Variants in MYO1D observed in about 807,000 individuals in gnomAD.
The protein encoded by MYO1D is myosin ID.
In MYO1D, 83 loss-of-function variants were observed where a neutral mutation model predicts 122.0. The observed-to-expected ratio is 0.68, with a 90% CI of 0.57 to 0.82. MYO1D has a LOEUF of 0.82. MYO1D is among the 40% of genes least tolerant of loss of function. The pLI is 0.00. For synonymous variants in MYO1D, 464 were observed against 446.9 expected, an observed-to-expected ratio of 1.04 and a Z score of -0.48; for missense variants, 1,157 against 1,269.5, an observed-to-expected ratio of 0.91 and a Z score of 1.35.
chr17:32,630,234 T>C (rs2087986309), intron 20 of MYO1D, among the ~76,000 whole-genome samples: 1 of 152,156 alleles, frequency 6.6e-6, no homozygotes, highest in Non-Finnish European at 1.5e-5. Context: ...TCAGATCTGT[T>C]TCTTTCTTTT....
intron 20 of MYO1D, among the ~76,000 whole-genome samples, chr17:32,637,339 G>A (rs1046691960): frequency 1.3e-5 from 2 of 152,166 alleles, no homozygotes; most frequent in African/African-American, 4.8e-5. Context: ...TGCAATAGAA[G>A]ATTATAAGTC....
intron 14 of MYO1D, among the ~76,000 whole-genome samples, chr17:32,736,096 C>G (rs1039255158): frequency 6.6e-6 from 1 of 150,460 alleles, no homozygotes; most frequent in African/African-American, 2.5e-5. Flanking sequence ...TAGAACCTCT[C>G]AGTCTGGCTT....
intron 20 of MYO1D, among the ~76,000 whole-genome samples, chr17:32,627,417 G>T (rs146292921): frequency 6.6e-6 from 1 of 152,108 alleles, no homozygotes. Flanking sequence ...ACAGACCGGC[G>T]GGCGGATGGA....
intron 1 of MYO1D, among the ~76,000 whole-genome samples, chr17:32,871,770 G>A (rs930367972): frequency 3.3e-5 from 5 of 152,310 alleles, no homozygotes; most frequent in African/African-American, 9.6e-5. Context: ...AGGAGTGTGC[G>A]GAGTAAGGAG....
chr17:32,774,662 G>T (rs2090156045), intron 4 of MYO1D, among the ~76,000 whole-genome samples: 1 of 152,158 alleles, frequency 6.6e-6, no homozygotes, highest in African/African-American at 2.4e-5. Context: ...CCTTTTGATT[G>T]AATATGTATT....
At chr17:32,741,821 GGCTAA>G (rs1222817510) in intron 13 of MYO1D, among the ~76,000 whole-genome samples, 2 of 151,970 alleles carry the variant, frequency 1.3e-5, no homozygotes. Flanking sequence ...AGACCATCCT[GGCTAA>G]CACAGTGAAA....
intron 21 of MYO1D, among the ~76,000 whole-genome samples, chr17:32,577,359 T>A (rs953072388): frequency 2.0e-5 from 3 of 152,110 alleles, no homozygotes; most frequent in African/African-American, 7.2e-5. Flanking sequence ...CGTGAACTCC[T>A]GGGCTCAAGT....
chr17:32,493,570 C>A lies in MYO1D; in HGVS notation c.*1189G>T, dbSNP rs1474014228. 2.0e-5 allele frequency: 3 copies of A among 152,456 alleles called. No homozygotes were observed. The highest frequency in any genetic ancestry group is 4.4e-5 in the Non-Finnish European group (3 of 68,232). 9.4% of individuals were successfully genotyped at this position (152,456 alleles called of 1,614,324 possible). ...TCTCACCGCATGGGGCATTTGCTCC[C>A]AGCCTCTACTTCCCTCAAGGCCTTC... On this transcript the variant is annotated 3_prime_UTR_variant, in exon 22 of 22. Coordinates refer to ENST00000318217, the MANE Select transcript of MYO1D (RefSeq NM_015194.3).
chr17:32,702,952 T>C (rs1567956850), intron 16 of MYO1D, among the ~76,000 whole-genome samples: 2 of 152,240 alleles, frequency 1.3e-5, no homozygotes, highest in Non-Finnish European at 2.9e-5. Flanking sequence ...GAGTTGACAG[T>C]TCTTGCTGCT....
intron 19 of MYO1D, among the ~76,000 whole-genome samples, chr17:32,648,395 T>C (rs781167056): frequency 6.6e-6 from 1 of 152,200 alleles, no homozygotes; most frequent in Non-Finnish European, 1.5e-5. Flanking sequence ...ATAGAGGTTA[T>C]AGAATCACCT....
chr17:32,778,516 G>A lies in MYO1D; in HGVS notation c.362C>T (p.Ala121Val), dbSNP rs570415942. ...ASKYIMQYIA[A>V]ITNPSQRAEV... Reference sequence around the variant, plus strand: ...TGCTCTCTGACTGGGGTTGGTGATGGCCGCAATATACTGCATAATGTACTT... The same window carrying A: ...TGCTCTCTGACTGGGGTTGGTGATGACCGCAATATACTGCATAATGTACTT... The change falls in exon 3 of 22, where the codon GCC becomes GTC. Residue 121 changes from alanine to valine, a missense_variant. Coordinates refer to ENST00000318217, the MANE Select transcript of MYO1D (RefSeq NM_015194.3). The A allele has an allele frequency of 6.2e-7, 1 of 1,614,096 alleles. No homozygotes were observed. The highest frequency in any genetic ancestry group is 8.5e-7 in the Non-Finnish European group (1 of 1,179,976).
intron 21 of MYO1D, among the ~76,000 whole-genome samples, chr17:32,536,891 A>G (rs975967175): frequency 5.9e-5 from 9 of 152,192 alleles, no homozygotes; most frequent in African/African-American, 2.2e-4. Flanking sequence ...TCACAGTTAG[A>G]AATCCAAGAG....
At chr17:32,629,039 A>G (rs1222058297) in intron 20 of MYO1D, among the ~76,000 whole-genome samples, 1 of 152,168 alleles carries the variant, frequency 6.6e-6, no homozygotes, top group South Asian at 2.1e-4. Context: ...TTTCTTGACT[A>G]AAAAAACAAA....
chr17:32,693,416 C>A (rs2089130950), intron 16 of MYO1D, among the ~76,000 whole-genome samples: 1 of 150,736 alleles, frequency 6.6e-6, no homozygotes, highest in African/African-American at 2.4e-5. Flanking sequence ...GAGGGAGAAA[C>A]CAATGCAAGC....
At chr17:32,848,478 C>A (rs2090957341) in intron 1 of MYO1D, among the ~76,000 whole-genome samples, 1 of 152,162 alleles carries the variant, frequency 6.6e-6, no homozygotes, top group Non-Finnish European at 1.5e-5. Context: ...CAAAGTAAAA[C>A]ATTACCAAAA....
intron 1 of MYO1D, among the ~76,000 whole-genome samples, chr17:32,864,357 T>TAA (rs2091106064): frequency 1.3e-5 from 2 of 151,900 alleles, no homozygotes. Flanking sequence ...GCATGTCCCT[T>TAA]AGAAACACTT....
At chr17:32,530,890 C>G (rs1910489122) in intron 21 of MYO1D, among the ~76,000 whole-genome samples, 1 of 152,112 alleles carries the variant, frequency 6.6e-6, no homozygotes, top group Non-Finnish European at 1.5e-5. Flanking sequence ...TTTTAGTTCT[C>G]TGTCCTCACT....
intron 16 of MYO1D, among the ~76,000 whole-genome samples, chr17:32,679,818 G>C (rs2150965963): frequency 6.6e-6 from 1 of 151,130 alleles, no homozygotes; most frequent in East Asian, 2.0e-4. Context: ...TAGCTTGATG[G>C]GGATGGCATT....
chr17:32,815,007 G>A (rs2090601829), intron 1 of MYO1D, among the ~76,000 whole-genome samples: 1 of 152,206 alleles, frequency 6.6e-6, no homozygotes, highest in Non-Finnish European at 1.5e-5. Context: ...GAAGTGTCTA[G>A]ACCTCAGAAA....
Sources: allele counts gnomAD v4.1 joint callset (sites outside exome capture counted in the v4.1 genomes callset), GRCh38; gene constraint gnomAD v4.1.1; transcripts MANE v1.5; gene names NCBI Gene and HGNC (gene_info 2026-07-23, HGNC 2026-07-21).